The following FAT3 variants were observed in gnomAD, a reference collection of about 807,000 sequenced individuals.
FAT3 encodes protocadherin Fat 3.
FAT3 carries 95 observed loss-of-function variants against 310.2 expected under a neutral mutation model. The observed-to-expected ratio is 0.31, with a 90% CI of 0.26 to 0.36. The LOEUF is 0.36. Among genes scored for constraint, FAT3 ranks in the 10% least tolerant of loss-of-function variants. The probability of loss-of-function intolerance (pLI) is 1.00; values close to 1 mark genes in which losing one functional copy is unlikely to be tolerated. For synonymous variants in FAT3, 2,314 were observed against 2,192.9 expected (o/e 1.06, Z -1.54); for missense variants, 5,408 against 5,715.6 (o/e 0.95, Z 1.74).
intron 1 of FAT3, among the ~76,000 whole-genome samples, chr11:92,231,663 A>G (rs950061452): frequency 6.6e-6 from 1 of 152,198 alleles, no homozygotes; most frequent in Non-Finnish European, 1.5e-5. Flanking sequence ...TTGATGTTTT[A>G]TATTTTGAGA....
chr11:92,800,497 C>T lies in FAT3; in HGVS notation c.7484C>T (p.Ala2495Val), dbSNP rs1355965237. The T allele has an allele frequency of 2.5e-6, 4 of 1,613,786 alleles. No homozygotes were observed. Among genetic ancestry groups the T allele is most frequent in the Admixed American group, 3.3e-5 (2 of 59,984 alleles). The change falls in exon 10 of 28, where the codon GCC becomes GTC. Residue 2495 changes from alanine (A) to valine (V), a missense_variant. Coordinates refer to ENST00000525166, the MANE Select transcript of FAT3 (RefSeq NM_001367949.2). ...RVLGANLYSP[A>V]FSQSTYVAEV... ...CTTGGGGCTAACTTGTACAGCCCTG[C>T]CTTTTCACAAAGCACATACGTAGCT...
chr11:92,455,240 T>C (rs1287667294), intron 2 of FAT3, among the ~76,000 whole-genome samples: 1 of 152,142 alleles, frequency 6.6e-6, no homozygotes, highest in Non-Finnish European at 1.5e-5. Context: ...AGATTGCAAT[T>C]TGTCCTGGAG....
In FAT3 at chr11:92,893,754, T is replaced by C. The variant is rs1176500124; in HGVS notation, c.*2641T>C. On this transcript the variant is annotated 3_prime_UTR_variant, in exon 28 of 28. Coordinates refer to ENST00000525166, the MANE Select transcript of FAT3 (RefSeq NM_001367949.2). Reference sequence around the variant, plus strand: ...GCATGTATTGTGTTTTGATTTATTATCTTTAAACACATGATATCTCTTCAC... The same window carrying C: ...GCATGTATTGTGTTTTGATTTATTACCTTTAAACACATGATATCTCTTCAC... 1 of 152,232 alleles carries C rather than the reference T, an allele frequency of 6.6e-6. No individual in the cohort carries two copies. The highest frequency in any genetic ancestry group is 1.5e-5 in the Non-Finnish European group (1 of 68,042). 9.4% of individuals were successfully genotyped at this position (152,232 alleles called of 1,614,324 possible).
rs1406163979 is a variant in FAT3, at chr11:92,353,148, C to T, written c.1036C>T (p.Gln346Ter). The T allele has an allele frequency of 1.2e-6, 2 of 1,613,518 alleles. No homozygotes were observed. The highest frequency in any genetic ancestry group is 2.7e-5 in the African/African-American group (2 of 74,890). Residue 346 changes from glutamine (Q) to a stop codon, truncating the protein, a stop_gained, in exon 2 of 28, where the codon CAA becomes TAA. Coordinates refer to ENST00000525166, the MANE Select transcript of FAT3 (RefSeq NM_001367949.2). LOFTEE classifies it high-confidence loss of function. The part of the protein sequence containing the change: ...SFPYGYNLTL[Q>*]AKDKGSPQKC... ...TCCCTATGGCTACAATCTCACTCTT[C>T]AAGCAAAAGACAAGGGATCTCCTCA...
intron 3 of FAT3, among the ~76,000 whole-genome samples, chr11:92,540,487 T>C (rs1438888591): frequency 6.6e-6 from 1 of 152,180 alleles, no homozygotes; most frequent in Non-Finnish European, 1.5e-5. Flanking sequence ...AGCCTACTTT[T>C]TTGGAAATTA....
At chr11:92,395,670 C>T (rs374514039) in intron 2 of FAT3, among the ~76,000 whole-genome samples, 9 of 151,950 alleles carry the variant, frequency 5.9e-5, no homozygotes, top group African/African-American at 2.2e-4. Flanking sequence ...TCTCCACCTC[C>T]CAGTTTCAAG....
At chr11:92,483,672 C>T (rs749706625) in intron 2 of FAT3, among the ~76,000 whole-genome samples, 10 of 152,088 alleles carry the variant, frequency 6.6e-5, no homozygotes, top group Non-Finnish European at 1.3e-4. Context: ...ATGCCAAGCA[C>T]TGCCAAACAC....
chr11:92,331,533 T>C (rs1947924852), intron 1 of FAT3, among the ~76,000 whole-genome samples: 1 of 152,156 alleles, frequency 6.6e-6, no homozygotes, highest in South Asian at 2.1e-4. Flanking sequence ...GTGTCTGTCA[T>C]GGGTGTTTTG....
At chr11:92,587,537 C>T (rs1939216772) in intron 3 of FAT3, among the ~76,000 whole-genome samples, 1 of 151,910 alleles carries the variant, frequency 6.6e-6, no homozygotes, top group Non-Finnish European at 1.5e-5. Context: ...TCCATTTTAA[C>T]TTTTTATTTT....
intron 2 of FAT3, among the ~76,000 whole-genome samples, chr11:92,501,267 G>C (rs1043885539): frequency 2.0e-5 from 3 of 152,018 alleles, no homozygotes; most frequent in African/African-American, 4.8e-5. Context: ...AATTAGTTCA[G>C]GTTGTAAAAT....
At chr11:92,534,513 G>A (rs1451938996) in intron 3 of FAT3, among the ~76,000 whole-genome samples, 1 of 152,202 alleles carries the variant, frequency 6.6e-6, no homozygotes, top group East Asian at 1.9e-4. Flanking sequence ...AGGTGTGTTA[G>A]GGGTTGAATT....
intron 13 of FAT3, 24 bp downstream of exon 13, chr11:92,810,100 C>T (rs1487700973): frequency 1.2e-6 from 2 of 1,602,006 alleles, no homozygotes; most frequent in South Asian, 2.2e-5. Context: ...AGGCATCTCC[C>T]TGTCACACAG....
intron 13 of FAT3, among the ~76,000 whole-genome samples, chr11:92,828,668 C>A (rs947853483): frequency 6.6e-6 from 1 of 151,974 alleles, no homozygotes; most frequent in Non-Finnish European, 1.5e-5. Flanking sequence ...GCAGAAAAAC[C>A]CTGTCATGGA....
intron 1 of FAT3, among the ~76,000 whole-genome samples, chr11:92,328,018 T>G (rs1323702571): frequency 2.6e-5 from 4 of 152,196 alleles, no homozygotes; most frequent in African/African-American, 4.8e-5. Flanking sequence ...AAGGCTATGA[T>G]TTTCAGCCTT....
In FAT3 at chr11:92,794,741, CA is replaced by C. The variant is rs367554348; in HGVS notation, c.4822+1772del. ...AAAACCATGGGAACAATTGATATCGCAAAAAAAATGACCTTTGATTGTATGT... is the reference window on the plus strand; with the variant it reads ...AAAACCATGGGAACAATTGATATCGCAAAAAAATGACCTTTGATTGTATGT... On this transcript the variant is annotated intron_variant, in intron 9 of 27. Transcript: ENST00000525166. Among the ~76,000 whole-genome samples, 1,279 of 151,596 alleles carry C rather than the reference CA, an allele frequency of 8.4e-3. 31 individuals carry two copies. Among genetic ancestry groups the C allele is most frequent in the African/African-American group, 0.029 (1,216 of 41,386 alleles).
chr11:92,889,359 T>C (rs1211176258), intron 26 of FAT3, 111 bp downstream of exon 26: 2 of 513,636 alleles, frequency 3.9e-6, no homozygotes, highest in Non-Finnish European at 7.0e-6. Flanking sequence ...AACAGCTGGT[T>C]TCTGATGAGA....
At chr11:92,853,848 A>G (rs538376858) in intron 19 of FAT3, among the ~76,000 whole-genome samples, 1 of 152,260 alleles carries the variant, frequency 6.6e-6, no homozygotes, top group East Asian at 1.9e-4. Context: ...GCAGACCCAG[A>G]AAAAGCACCA....
intron 4 of FAT3, among the ~76,000 whole-genome samples, chr11:92,743,512 G>A (rs1945566745): frequency 6.6e-6 from 1 of 152,176 alleles, no homozygotes; most frequent in Non-Finnish European, 1.5e-5. Flanking sequence ...AGCACTTTAG[G>A]GACATTGTTA....
In FAT3 at chr11:92,309,384, G is replaced by GCACA. The variant is rs59596533; in HGVS notation, c.-17-42680_-17-42677dup. On this transcript the variant is annotated intron_variant, in intron 1 of 27. Transcript: ENST00000525166. ...CTCGCACTCTTTTACACACACGCAT[G>GCACA]CACACACACACACACACACACACAC... Among the ~76,000 whole-genome samples, 191 of 145,096 alleles carry GCACA rather than the reference G, an allele frequency of 1.3e-3. 1 individual carries two copies. Among genetic ancestry groups the GCACA allele is most frequent in the Middle Eastern group, 7.0e-3 (2 of 286 alleles).
Sources: allele counts gnomAD v4.1 joint callset (sites outside exome capture counted in the v4.1 genomes callset), GRCh38; gene constraint gnomAD v4.1.1; transcripts MANE v1.5; gene names NCBI Gene and HGNC (gene_info 2026-07-23, HGNC 2026-07-21).